The following IGSF9 variants were observed in gnomAD, a reference collection of about 807,000 sequenced individuals.
IGSF9 encodes protein turtle homolog A.
A neutral mutation model predicts 121.7 loss-of-function variants in IGSF9; 87 were observed. That is an observed-to-expected ratio of 0.71 (90% CI 0.60 to 0.85). The LOEUF is 0.85. Among genes scored for constraint, IGSF9 ranks in the 40% least tolerant of loss-of-function variants. IGSF9 has a pLI of 0.00. For synonymous variants in IGSF9, 640 were observed against 648.4 expected (o/e 0.99, Z 0.20); for missense variants, 1,462 against 1,565.3 (o/e 0.93, Z 1.11).
chr1:159,942,474 C>G (rs898097022), intron 3 of IGSF9, among the ~76,000 whole-genome samples: 15 of 152,270 alleles, frequency 9.9e-5, no homozygotes, highest in African/African-American at 3.6e-4. Context: ...GCTGCCCCAT[C>G]AGCCCACTCC....
Position 159,942,754 on chromosome 1 carries a change from GT to G in IGSF9, c.247+208del, listed in dbSNP as rs1651431038. ...GCTATAAGAGTGTGAGTGTGTGTGT[GT>G]GTGTGTGTGTGTGTAAATGAATGAA... is the stretch of plus-strand genomic sequence containing the variant. On this transcript the variant is annotated intron_variant, in intron 3 of 20. Coordinates refer to ENST00000368094, the MANE Select transcript of IGSF9 (RefSeq NM_001135050.2). Among the ~76,000 whole-genome samples, 4 of 150,898 alleles carry G rather than the reference GT, an allele frequency of 2.7e-5. No individual in the cohort carries two copies. The South Asian group carries it at 8.3e-4, about 31-fold the overall frequency.
In IGSF9 at chr1:159,931,488, G is replaced by T; in HGVS notation, c.1478C>A (p.Ala493Asp). The change falls in exon 12 of 21, where the codon GCC (alanine) becomes GAC (aspartate). Residue 493 changes from alanine to aspartate, a missense_variant. By Grantham distance (126) the Ala-to-Asp change is moderately radical. This residue lies in a region of IGSF9 where 96 missense variants were observed against 150.7 expected (regional missense o/e 0.64). Transcript: ENST00000368094. The surrounding 1 kb of genome is among the most constrained non-coding windows in gnomAD (Gnocchi z 4.8). Reference protein sequence around the residue: ...HWECSASNAVARVATSTNVYV... With the variant: ...HWECSASNAVDRVATSTNVYV... Reference sequence around the variant, plus strand: ...GACGTTCGTGGAGGTGGCCACTCGGGCCACAGCATTGCTGGCACTGCATTC... The same window carrying T: ...GACGTTCGTGGAGGTGGCCACTCGGTCCACAGCATTGCTGGCACTGCATTC... 6.2e-7 allele frequency: 1 copy of T among 1,614,112 alleles called. No homozygotes were observed. The highest frequency in any genetic ancestry group is 8.5e-7 in the Non-Finnish European group (1 of 1,179,984).
chr1:159,927,282 T>C lies in IGSF9; in HGVS notation c.*63A>G, dbSNP rs1163592036. 1 of 1,594,674 alleles carries C rather than the reference T, an allele frequency of 6.3e-7. No homozygotes were observed. The highest frequency in any genetic ancestry group is 1.7e-5 in the Admixed American group (1 of 59,942). ...CAGTGCCCTCGTTTGAAACTAGGTC[T>C]GTCTGGTTGGGGGCCTCCTTTGCAG... is the stretch of plus-strand genomic sequence containing the variant. On this transcript the variant is annotated 3_prime_UTR_variant, in exon 21 of 21. Coordinates refer to ENST00000368094, the MANE Select transcript of IGSF9 (RefSeq NM_001135050.2).
Position 159,930,454 on chromosome 1 carries a change from A to T in IGSF9, c.1814-15T>A. 1 of 1,524,022 alleles carries T rather than the reference A, an allele frequency of 6.6e-7. No homozygotes were observed. Among genetic ancestry groups the T allele is most frequent in the Non-Finnish European group, 8.8e-7 (1 of 1,138,764 alleles). 94.4% of individuals were successfully genotyped at this position (1,524,022 alleles called of 1,614,324 possible). ...GGTAGGAAGCCCTGCGTGGGACAGA[A>T]AGGCAGGTCAGAGCAAGGATTCCCA... On this transcript the variant is annotated splice_polypyrimidine_tract_variant and intron_variant, in intron 14 of 20. Coordinates refer to ENST00000368094, the MANE Select transcript of IGSF9 (RefSeq NM_001135050.2).
chr1:159,932,057 C>T lies in IGSF9; in HGVS notation c.1246-129G>A. The T allele has an allele frequency of 1.6e-6, 1 of 635,788 alleles. No individual in the cohort carries two copies. The allele number at this position is 635,788 out of a possible 1,614,324, so 39.4% of individuals were successfully genotyped here. Reference sequence around the variant, plus strand: ...CTCACTCCCCCTAGCTAAACACTCACCAAGCCTGTCTCTACCTCATTCTCT... The same window carrying T: ...CTCACTCCCCCTAGCTAAACACTCATCAAGCCTGTCTCTACCTCATTCTCT... On this transcript the variant is annotated intron_variant, in intron 10 of 20. Coordinates refer to ENST00000368094, the MANE Select transcript of IGSF9 (RefSeq NM_001135050.2). The surrounding 1 kb of genome is among the most constrained non-coding windows in gnomAD (Gnocchi z 4.1).
rs761514583 is a variant in IGSF9, at chr1:159,928,345, C to G, written c.3043G>C (p.Ala1015Pro). The G allele has an allele frequency of 1.9e-5, 31 of 1,609,346 alleles. No homozygotes were observed. Among genetic ancestry groups the G allele is most frequent in the Non-Finnish European group, 2.6e-5 (31 of 1,178,082 alleles). Reference sequence around the variant, plus strand: ...CTGGTGAGGCTGCCTCGAGGGGCAGCAGGGAGAAGGCCTGGCAGCAGCCGC... The same window carrying G: ...CTGGTGAGGCTGCCTCGAGGGGCAGGAGGGAGAAGGCCTGGCAGCAGCCGC... Reference protein sequence around the residue: ...RERLLPGLLPAAPRGSLTSQS... With the variant: ...RERLLPGLLPPAPRGSLTSQS... The change falls in exon 19 of 21, where the codon GCT (alanine) becomes CCT (proline). Residue 1015 changes from alanine (A) to proline (P), a missense_variant. This residue lies in a region of IGSF9 where 808 missense variants were observed against 815.2 expected (regional missense o/e 0.99). Coordinates refer to ENST00000368094, the MANE Select transcript of IGSF9 (RefSeq NM_001135050.2).
chr1:159,935,818 A>C (rs879062725), intron 6 of IGSF9, among the ~76,000 whole-genome samples: 3 of 152,226 alleles, frequency 2.0e-5, no homozygotes, highest in Admixed American at 2.0e-4. Context: ...GGCAACATTC[A>C]TATTAGGCTT....
At chr1:159,944,224 C>G (rs945704692) in intron 1 of IGSF9, among the ~76,000 whole-genome samples, 4 of 152,162 alleles carry the variant, frequency 2.6e-5, no homozygotes, top group Non-Finnish European at 5.9e-5. Context: ...TCCCTTGTCC[C>G]ATTTCCCCAG....
chr1:159,928,177 C>A lies in IGSF9; in HGVS notation c.3211G>T (p.Val1071Leu). 6.2e-7 allele frequency: 1 copy of A among 1,609,322 alleles called. No individual in the cohort carries two copies. Among genetic ancestry groups the A allele is most frequent in the Non-Finnish European group, 8.5e-7 (1 of 1,179,864 alleles). ...TCTCACCTCTTGCTGACTGTCACCACATGCTCCCTTCGGGGCCATCTCTCA... is the reference window on the plus strand; with the variant it reads ...TCTCACCTCTTGCTGACTGTCACCAAATGCTCCCTTCGGGGCCATCTCTCA... Reference protein sequence around the residue: ...GPERWPRREHVVTVSKRRNTS... With the variant: ...GPERWPRREHLVTVSKRRNTS... Residue 1071 changes from valine to leucine, a missense_variant, in exon 19 of 21, where the codon GTG becomes TTG. Around this residue, in one of 3 missense-constraint regions of IGSF9, gnomAD observed 808 missense variants for 815.2 expected, o/e 0.99. Transcript: ENST00000368094.
Position 159,936,412 on chromosome 1 carries a change from C to CTGGGTGGCG in IGSF9, c.651_659dup (p.His217_Thr219dup), listed in dbSNP as rs1457893027. Reference sequence around the variant, plus strand: ...GCCAGAGAGCACCTAGCACTAGCAGCTGGGTGGCGTGGGTGGCGCTGCCCT... The same window carrying CTGGGTGGCG: ...GCCAGAGAGCACCTAGCACTAGCAGCTGGGTGGCGTGGGTGGCGTGGGTGGCGCTGCCCT... On this transcript the variant is annotated inframe_insertion, in exon 6 of 21. Coordinates refer to ENST00000368094, the MANE Select transcript of IGSF9 (RefSeq NM_001135050.2). 1.2e-6 allele frequency: 2 copies of CTGGGTGGCG among 1,614,026 alleles called. No individual in the cohort carries two copies. The highest frequency in any genetic ancestry group is 1.1e-5 in the South Asian group (1 of 91,088).
Position 159,932,630 on chromosome 1 carries a change from G to A in IGSF9, c.1127C>T (p.Thr376Ile). The A allele has an allele frequency of 3.1e-6, 5 of 1,613,212 alleles. No homozygotes were observed. Among genetic ancestry groups the A allele is most frequent in the Non-Finnish European group, 4.2e-6 (5 of 1,179,390 alleles). ...CAGGGCGATGATCAGTGAGCCTTCT[G>A]TGCCCTGGGACCAGCCAGGGAACTG... ...LDKFPGWSQGTEGSLIIALGN... is the reference protein window; with the variant it reads ...LDKFPGWSQGIEGSLIIALGN... The change falls in exon 10 of 21, where the codon ACA becomes ATA. Residue 376 changes from threonine to isoleucine, a missense_variant. By Grantham distance (89) the Thr-to-Ile change is moderately conservative. Coordinates refer to ENST00000368094, the MANE Select transcript of IGSF9 (RefSeq NM_001135050.2). This position sits in a 1 kb window ranked among gnomAD's most constrained non-coding sequence, Gnocchi z 4.1.
At position 159,927,505 on chromosome 1, in the gene IGSF9, C is replaced by T. The variant is rs1246272921; in HGVS notation, c.3380G>A (p.Gly1127Asp). 5 of 1,613,652 alleles carry T rather than the reference C, an allele frequency of 3.1e-6. No individual in the cohort carries two copies. In the East Asian group the frequency reaches 1.1e-4, roughly 36 times the overall value. Residue 1127 changes from glycine (G) to aspartate (D), a missense_variant, in exon 21 of 21, where the codon GGC becomes GAC. Physicochemically the swap from Gly to Asp is moderately conservative, Grantham distance 94. Transcript: ENST00000368094. ...AACATGGGCAGTGTTCAGGAGGCAGCCCTCCTCTGGAGTCTTCACACCTGC... is the reference window on the plus strand; with the variant it reads ...AACATGGGCAGTGTTCAGGAGGCAGTCCTCCTCTGGAGTCTTCACACCTGC... ...PELGVKTPEEGCLLNTAHVTG... is the reference protein window; with the variant it reads ...PELGVKTPEEDCLLNTAHVTG...
chr1:159,936,429 C>A lies in IGSF9; in HGVS notation c.643G>T (p.Ala215Ser), dbSNP rs760265957. 1 of 1,613,938 alleles carries A rather than the reference C, an allele frequency of 6.2e-7. No homozygotes were observed. Among genetic ancestry groups the A allele is most frequent in the Non-Finnish European group, 8.5e-7 (1 of 1,179,994 alleles). ...TCQASSTEGS[A>S]THATQLLVLG... ...ACTAGCAGCTGGGTGGCGTGGGTGGCGCTGCCCTCAGTGCTGGAGGCTTGG... is the reference window on the plus strand; with the variant it reads ...ACTAGCAGCTGGGTGGCGTGGGTGGAGCTGCCCTCAGTGCTGGAGGCTTGG... The change falls in exon 6 of 21, where the codon GCC becomes TCC. Residue 215 changes from alanine (A) to serine (S), a missense_variant. By Grantham distance (99) the Ala-to-Ser change is moderately conservative. Coordinates refer to ENST00000368094, the MANE Select transcript of IGSF9 (RefSeq NM_001135050.2).
intron 3 of IGSF9, among the ~76,000 whole-genome samples, chr1:159,938,812 A>T (rs1651284256): frequency 1.3e-5 from 2 of 152,206 alleles, no homozygotes; most frequent in African/African-American, 2.4e-5. Flanking sequence ...GAAATAATGT[A>T]GGGAAGGCAT....
chr1:159,928,461 G>C lies in IGSF9; in HGVS notation c.2927C>G (p.Ser976Cys). The C allele has an allele frequency of 6.3e-7, 1 of 1,594,132 alleles. No homozygotes were observed. The highest frequency in any genetic ancestry group is 8.6e-7 in the Non-Finnish European group (1 of 1,168,410). Residue 976 changes from serine to cysteine, a missense_variant, in exon 19 of 21, where the codon TCC (serine) becomes TGC (cysteine). Ser to Cys is a moderately radical substitution (Grantham distance 112). This residue lies in a region of IGSF9 where 808 missense variants were observed against 815.2 expected (regional missense o/e 0.99). Coordinates refer to ENST00000368094, the MANE Select transcript of IGSF9 (RefSeq NM_001135050.2). ...AGCCCCAGGAAGTGATTCCCTGGGG[G>C]ATACAGGAGGGGTTTCTGGAGAACG... ...FLRSPETPPV[S>C]PRESLPGAVV...
At position 159,928,770 on chromosome 1, in the gene IGSF9, G is replaced by GGTTCTGCCT; in HGVS notation, c.2609_2617dup (p.Gln870_Glu872dup). ...GGCCAGACGCTGGGCTGGAGTCCGA[G>GGTTCTGCCT]GTTCTGCCTGCTCCCGGCCTGACCT... On this transcript the variant is annotated inframe_insertion, in exon 19 of 21. Transcript: ENST00000368094. 1 of 1,476,872 alleles carries GGTTCTGCCT rather than the reference G, an allele frequency of 6.8e-7. No homozygotes were observed. The highest frequency in any genetic ancestry group is 1.8e-4 in the Middle Eastern group (1 of 5,578). The allele number at this position is 1,476,872 out of a possible 1,614,324, so 91.5% of individuals were successfully genotyped here.
intron 6 of IGSF9, among the ~76,000 whole-genome samples, chr1:159,936,086 A>G (rs1377661838): frequency 1.3e-5 from 2 of 152,182 alleles, no homozygotes; most frequent in East Asian, 1.9e-4. Context: ...AGAGGTAGAG[A>G]TGAGTCTCTT....
At chr1:159,927,942 G>A in intron 19 of IGSF9, 55 bp from the exon 20 acceptor site, 2 of 1,578,050 alleles carry the variant, frequency 1.3e-6, no homozygotes, top group Non-Finnish European at 8.6e-7. Context: ...AATAGAGGCT[G>A]TTCAGAAAAG....
chr1:159,936,477 C>T lies in IGSF9; in HGVS notation c.595G>A (p.Gly199Ser). 1.2e-6 allele frequency: 2 copies of T among 1,614,032 alleles called. No individual in the cohort carries two copies. Among genetic ancestry groups the T allele is most frequent in the Non-Finnish European group, 1.7e-6 (2 of 1,180,010 alleles). ...GTLRIRRVERGSSGVYTCQAS... is the reference protein window; with the variant it reads ...GTLRIRRVERSSSGVYTCQAS... The stretch of plus-strand genomic sequence containing the variant: ...TGGCAGGTGTAGACCCCAGAGCTGC[C>T]TCGCTCTACCCGGCGGATCCGCAGC... Residue 199 changes from glycine to serine, a missense_variant, in exon 6 of 21, where the codon GGC becomes AGC. Coordinates refer to ENST00000368094, the MANE Select transcript of IGSF9 (RefSeq NM_001135050.2).
Sources: allele counts gnomAD v4.1 joint callset (sites outside exome capture counted in the v4.1 genomes callset), GRCh38; gene constraint gnomAD v4.1.1; regional missense constraint gnomAD v4.1.1; non-coding constraint Gnocchi (gnomAD v3.1); transcripts MANE v1.5; gene names NCBI Gene and HGNC (gene_info 2026-07-23, HGNC 2026-07-21).